BEND5: variants seen among roughly 807,000 people sequenced by gnomAD.
BEND5 encodes BEN domain-containing protein 5.
In BEND5, 22 loss-of-function variants were observed where a neutral mutation model predicts 43.9. That is an observed-to-expected ratio of 0.50 (90% CI 0.36 to 0.72). BEND5 has a LOEUF of 0.72. Ranked by LOEUF, BEND5 falls within the 30% of genes least tolerant of loss-of-function variation. The pLI is 0.00. For synonymous variants in BEND5, 228 were observed against 225.9 expected (o/e 1.01, Z -0.08); for missense variants, 428 against 550.6 (o/e 0.78, Z 2.23).
At chr1:48,767,895 C>A (rs763458276) in intron 1 of BEND5, among the ~76,000 whole-genome samples, 2 of 152,192 alleles carry the variant, frequency 1.3e-5, no homozygotes, top group African/African-American at 2.4e-5. Flanking sequence ...TAATTACATT[C>A]ATCCATTCAA....
intron 4 of BEND5, among the ~76,000 whole-genome samples, chr1:48,740,197 T>C (rs1649692765): frequency 6.6e-6 from 1 of 152,184 alleles, no homozygotes. Flanking sequence ...ATCACAGGTA[T>C]AGGCCGGGGC....
At chr1:48,748,465 T>A (rs1243028381) in intron 3 of BEND5, among the ~76,000 whole-genome samples, 1 of 152,150 alleles carries the variant, frequency 6.6e-6, no homozygotes, top group Non-Finnish European at 1.5e-5. Context: ...CCACCAGCCA[T>A]GTGGCTAACA....
At chr1:48,738,307 A>T (rs1250591396) in intron 4 of BEND5, among the ~76,000 whole-genome samples, 3 of 152,246 alleles carry the variant, frequency 2.0e-5, no homozygotes, top group Non-Finnish European at 4.4e-5. Context: ...GCAGGCAATC[A>T]GATAACTAGA....
intron 5 of BEND5, among the ~76,000 whole-genome samples, chr1:48,733,979 A>G (rs571087055): frequency 2.0e-5 from 3 of 152,286 alleles, no homozygotes; most frequent in Non-Finnish European, 2.9e-5. Context: ...CAGTTATCTG[A>G]AGGCACCCAG....
At position 48,728,698 on chromosome 1, in the gene BEND5, T is replaced by G. The variant is rs551586628; in HGVS notation, c.1109-655A>C. ...AAGACATGAAAGAAATTCTCCAGTA[T>G]CAGCCTAGGCGTGGACTTGCTGAAT... On this transcript the variant is annotated intron_variant, in intron 5 of 5. Transcript: ENST00000371833. Among the ~76,000 whole-genome samples the G allele has an allele frequency of 1.9e-4, 29 of 152,336 alleles. 1 individual carries two copies. In the South Asian group the frequency reaches 5.8e-3, roughly 30 times the overall value.
chr1:48,744,947 A>G (rs1650502336), intron 3 of BEND5, among the ~76,000 whole-genome samples: 1 of 152,214 alleles, frequency 6.6e-6, no homozygotes, highest in African/African-American at 2.4e-5. Flanking sequence ...ACTTTCGGAC[A>G]TAGCTCAGGT....
chr1:48,729,478 C>G (rs1351074290), intron 5 of BEND5, among the ~76,000 whole-genome samples: 3 of 152,128 alleles, frequency 2.0e-5, no homozygotes, highest in Non-Finnish European at 4.4e-5. Context: ...CTATGGAGAA[C>G]AAGCAAAATC....
At chr1:48,756,604 A>G (rs1480137957) in intron 3 of BEND5, among the ~76,000 whole-genome samples, 1 of 152,214 alleles carries the variant, frequency 6.6e-6, no homozygotes, top group Non-Finnish European at 1.5e-5. Flanking sequence ...GTTGGGAAGT[A>G]GGGAAGTTGG....
chr1:48,772,434 C>A (rs1406156244), intron 1 of BEND5, among the ~76,000 whole-genome samples: 4 of 152,100 alleles, frequency 2.6e-5, no homozygotes, highest in Non-Finnish European at 5.9e-5. Context: ...AGGCAGAGGC[C>A]CCATATCAGA....
chr1:48,738,407 T>TA (rs1649404251), intron 4 of BEND5, among the ~76,000 whole-genome samples: 1 of 152,220 alleles, frequency 6.6e-6, no homozygotes, highest in Admixed American at 6.5e-5. Context: ...TGAGATGTAC[T>TA]ACCTGGCTGC....
intron 1 of BEND5, among the ~76,000 whole-genome samples, chr1:48,768,903 A>G (rs916433071): frequency 6.6e-6 from 1 of 152,224 alleles, no homozygotes. Context: ...GTTTGTTTTT[A>G]TAAAATCCAA....
chr1:48,772,160 G>A (rs1284428955), intron 1 of BEND5, among the ~76,000 whole-genome samples: 2 of 152,212 alleles, frequency 1.3e-5, no homozygotes, highest in Non-Finnish European at 2.9e-5. Context: ...GGAGTTCCCT[G>A]TCAGGCAGGA....
intron 3 of BEND5, among the ~76,000 whole-genome samples, chr1:48,754,727 T>C (rs1652269214): frequency 6.6e-6 from 1 of 152,178 alleles, no homozygotes; most frequent in Non-Finnish European, 1.5e-5. Context: ...AAGGGTTGTT[T>C]ACCATGCTAA....
intron 1 of BEND5, among the ~76,000 whole-genome samples, chr1:48,769,991 T>C (rs922728566): frequency 6.6e-6 from 1 of 152,200 alleles, no homozygotes; most frequent in African/African-American, 2.4e-5. Context: ...TCTCCCATAG[T>C]GCAGGGTTCC....
At chr1:48,739,773 C>T (rs963334657) in intron 4 of BEND5, among the ~76,000 whole-genome samples, 53 of 152,212 alleles carry the variant, frequency 3.5e-4, no homozygotes, top group African/African-American at 1.1e-3. Flanking sequence ...CCCATGTTTC[C>T]GCTCCTGCCA....
At chr1:48,729,922 G>C (rs1194442011) in intron 5 of BEND5, among the ~76,000 whole-genome samples, 1 of 152,172 alleles carries the variant, frequency 6.6e-6, no homozygotes, top group Non-Finnish European at 1.5e-5. Flanking sequence ...AGGAGGCCCT[G>C]TCTCTCCAGT....
chr1:48,748,571 G>T (rs2148619221), intron 3 of BEND5, among the ~76,000 whole-genome samples: 1 of 152,312 alleles, frequency 6.6e-6, no homozygotes, highest in East Asian at 1.9e-4. Flanking sequence ...CAACTTCTGT[G>T]TTGGGGCTTG....
At chr1:48,760,427 T>C in intron 2 of BEND5, among the ~76,000 whole-genome samples, 1 of 152,240 alleles carries the variant, frequency 6.6e-6, no homozygotes, top group Non-Finnish European at 1.5e-5. Context: ...AATGAAACCA[T>C]GACTCTGATA....
chr1:48,735,167 C>T, intron 5 of BEND5, among the ~76,000 whole-genome samples: 1 of 152,194 alleles, frequency 6.6e-6, no homozygotes, highest in East Asian at 1.9e-4. Context: ...AATCCTGAAA[C>T]ACAGTTAAGT....
Sources: gnomAD v4.1 joint callset for allele counts (sites outside exome capture counted in the v4.1 genomes callset) on GRCh38, gnomAD v4.1.1 for gene constraint, MANE v1.5 for transcripts, NCBI Gene and HGNC (gene_info 2026-07-23, HGNC 2026-07-21) for gene names.